VEZF1: variants seen among roughly 807,000 people sequenced by gnomAD.
The protein encoded by VEZF1 is putative transcription factor DB1.
VEZF1 carries 5 observed loss-of-function variants against 44.1 expected under a neutral mutation model. The observed-to-expected ratio is 0.11, with a 90% CI of 0.06 to 0.24. The LOEUF (loss-of-function observed/expected upper bound fraction) is 0.24. VEZF1 is among the 10% of genes least tolerant of loss of function. The pLI, the probability that VEZF1 is intolerant of heterozygous loss-of-function variation, is 1.00. For synonymous variants in VEZF1, 236 were observed against 233.1 expected (o/e 1.01, Z -0.11); for missense variants, 358 against 641.8 (o/e 0.56, Z 4.78).
At position 57,979,303 on chromosome 17, in the gene VEZF1, A is replaced by G. The variant is rs201209082; in HGVS notation, c.987T>C (p.Ser329=). 1.9e-6 allele frequency: 3 copies of G among 1,611,994 alleles called. No homozygotes were observed. The highest frequency in any genetic ancestry group is 3.3e-5 in the Admixed American group (2 of 59,702). Residue 329 remains serine, a synonymous_variant, in exon 5 of 6, where the codon AGT becomes AGC. Transcript: ENST00000581208. ...CKQGISKTCM[S]EETSNQKQQQ... ...GCTGCTTTTGGTTACTGGTCTCTTC[A>G]CTCATGCATGCTATTACAAAGACAA...
rs959133149 is a variant in VEZF1 at position 57,979,267 on chromosome 17, C to T, written c.1023G>A (p.Gln341=). The T allele has an allele frequency of 1.9e-6, 3 of 1,612,284 alleles. No homozygotes were observed. The highest frequency in any genetic ancestry group is 2.2e-5 in the East Asian group (1 of 44,874). The part of the protein sequence containing the change: ...ETSNQKQQQQ[Q]QQQQQQQQQQ... The stretch of plus-strand genomic sequence containing the variant: ...GTTGCTGCTGCTGCTGCTGCTGCTG[C>T]TGCTGCTGCTGCTGCTTTTGGTTAC... Residue 341 remains glutamine (Q), a synonymous_variant, in exon 5 of 6, where the codon CAG becomes CAA. Transcript: ENST00000581208.
Position 57,983,247 on chromosome 17 carries a change from C to A in VEZF1, c.180G>T (p.Lys60Asn). 1 of 1,614,064 alleles carries A rather than the reference C, an allele frequency of 6.2e-7. No homozygotes were observed. Among genetic ancestry groups the A allele is most frequent in the Admixed American group, 1.7e-5 (1 of 60,000 alleles). ...TTTCTTTTTTAATCCCAATGGCATC[C>A]TTTAATGTTTCTGGTGCACCCTGAG... is the stretch of plus-strand genomic sequence containing the variant. ...QKPQGAPETLKDAIGIKKEKP... is the reference protein window; with the variant it reads ...QKPQGAPETLNDAIGIKKEKP... The change falls in exon 2 of 6, where the codon AAG becomes AAT. Residue 60 changes from lysine (K) to asparagine (N), a missense_variant. Physicochemically the swap from Lys to Asn is moderately conservative, Grantham distance 94. This residue lies in a region of VEZF1 where 117 missense variants were observed against 207.2 expected (regional missense o/e 0.56). Coordinates refer to ENST00000581208, the MANE Select transcript of VEZF1 (RefSeq NM_007146.3).
rs545749160 is a variant in VEZF1 at position 57,972,375 on chromosome 17, T to C, written c.*2098A>G. The C allele has an allele frequency of 2.0e-5, 3 of 152,404 alleles. No homozygotes were observed. The South Asian group carries it at 6.2e-4, about 32-fold the overall frequency. The allele number at this position is 152,404 out of a possible 1,614,324, so 9.4% of individuals were successfully genotyped here. On this transcript the variant is annotated 3_prime_UTR_variant, in exon 6 of 6. Coordinates refer to ENST00000581208, the MANE Select transcript of VEZF1 (RefSeq NM_007146.3). ...AGCAGGCAGAGCCAGAACCCAGTTT[T>C]GGGTCTGCATGCCAGGAAATGTGAA...
At chr17:57,985,259 T>C in intron 1 of VEZF1, 1 of 1,231,650 alleles carries the variant, frequency 8.1e-7, no homozygotes, top group Non-Finnish European at 1.0e-6. Flanking sequence ...CTTACTGCCA[T>C]TTTACCAATT....
At chr17:57,976,500 T>C (rs950169318) in intron 5 of VEZF1, among the ~76,000 whole-genome samples, 38 of 152,222 alleles carry the variant, frequency 2.5e-4, no homozygotes, top group African/African-American at 8.0e-4. Context: ...GAAATGTGTA[T>C]TTTTAAAAAG....
At chr17:57,987,894 G>A (rs1251930954) in intron 1 of VEZF1, among the ~76,000 whole-genome samples, 185 bp downstream of exon 1, 1 of 151,860 alleles carries the variant, frequency 6.6e-6, no homozygotes, top group Non-Finnish European at 1.5e-5. Flanking sequence ...CACCCCGTGA[G>A]GCCGCCTCCT....
chr17:57,988,126 ACCCCCCTCCT>A lies in VEZF1; in HGVS notation c.-25_-16del. 2 of 774,932 alleles carry A rather than the reference ACCCCCCTCCT, an allele frequency of 2.6e-6. No homozygotes were observed. The highest frequency in any genetic ancestry group is 3.3e-6 in the Non-Finnish European group (2 of 615,008). 48.0% of individuals were successfully genotyped at this position (774,932 alleles called of 1,614,324 possible). Reference sequence around the variant, plus strand: ...TTGGCCTCCATGGCTGCGGCGGCCGACCCCCCTCCTCCCCACTCCCCCCGCTCGGGGAGCC... The same window carrying A: ...TTGGCCTCCATGGCTGCGGCGGCCGACCCCACTCCCCCCGCTCGGGGAGCC... On this transcript the variant is annotated 5_prime_UTR_variant, in exon 1 of 6. Transcript: ENST00000581208.
intron 5 of VEZF1, among the ~76,000 whole-genome samples, chr17:57,978,274 G>A (rs1422305473): frequency 1.3e-5 from 2 of 151,076 alleles, no homozygotes; most frequent in African/African-American, 4.9e-5. Context: ...GAAAGCAAAA[G>A]ATGGAAGAAA....
Position 57,983,332 on chromosome 17 carries a change from C to T in VEZF1, c.95G>A (p.Ser32Asn), listed in dbSNP as rs774706221. 6.2e-7 allele frequency: 1 copy of T among 1,614,078 alleles called. No homozygotes were observed. The highest frequency in any genetic ancestry group is 8.5e-7 in the Non-Finnish European group (1 of 1,180,036). ...CTGATCAGGGGGCTCCACGGCAGAGCTCAGGAGGGGCAGCAAGCTGTTCTG... is the reference window on the plus strand; with the variant it reads ...CTGATCAGGGGGCTCCACGGCAGAGTTCAGGAGGGGCAGCAAGCTGTTCTG... ...AAQNSLLPLL[S>N]SAVEPPDQKP... The change falls in exon 2 of 6, where the codon AGC becomes AAC. Residue 32 changes from serine (S) to asparagine (N), a missense_variant. Transcript: ENST00000581208.
At chr17:57,978,071 C>T (rs1415185819) in intron 5 of VEZF1, among the ~76,000 whole-genome samples, 2 of 151,826 alleles carry the variant, frequency 1.3e-5, no homozygotes, top group Non-Finnish European at 2.9e-5. Flanking sequence ...GGTGTGGTGG[C>T]ACACACCTGT....
intron 1 of VEZF1, among the ~76,000 whole-genome samples, chr17:57,983,873 G>GA (rs1385147108): frequency 2.6e-5 from 4 of 152,186 alleles, no homozygotes; most frequent in Non-Finnish European, 5.9e-5. Context: ...CTTTCTATCA[G>GA]AAAACTCAGA....
chr17:57,984,640 A>G (rs528592204), intron 1 of VEZF1, among the ~76,000 whole-genome samples: 2 of 152,314 alleles, frequency 1.3e-5, no homozygotes, highest in African/African-American at 4.8e-5. Context: ...CTCTATAACC[A>G]CAAGTCCCAC....
At chr17:57,977,926 G>C (rs1178021876) in intron 5 of VEZF1, among the ~76,000 whole-genome samples, 1 of 152,004 alleles carries the variant, frequency 6.6e-6, no homozygotes, top group African/African-American at 2.4e-5. Context: ...ACTCTGGCCA[G>C]GTGTGGTGAC....
chr17:57,982,055 A>AT, intron 2 of VEZF1, 119 bp from the exon 3 acceptor site: 1 of 994,896 alleles, frequency 1.0e-6, no homozygotes, highest in Non-Finnish European at 1.5e-6. Flanking sequence ...AGCTAGCAGA[A>AT]TTACCAACCT....
At chr17:57,981,830 T>G (rs1225489308) in intron 3 of VEZF1, 43 bp downstream of exon 3, 1 of 1,571,044 alleles carries the variant, frequency 6.4e-7, no homozygotes, top group African/African-American at 1.4e-5. Flanking sequence ...CTGGATAATG[T>G]GCATTAAGTG....
chr17:57,977,402 T>C (rs1308360155), intron 5 of VEZF1, among the ~76,000 whole-genome samples: 3 of 152,152 alleles, frequency 2.0e-5, no homozygotes, highest in Non-Finnish European at 4.4e-5. Flanking sequence ...GCTGGAATTA[T>C]AGGTGTGAGC....
intron 5 of VEZF1, among the ~76,000 whole-genome samples, chr17:57,976,933 C>A (rs2075197634): frequency 6.6e-6 from 1 of 152,040 alleles, no homozygotes; most frequent in African/African-American, 2.4e-5. Flanking sequence ...ACCCCCTTAC[C>A]TCCTCCTCCG....
intron 1 of VEZF1, among the ~76,000 whole-genome samples, chr17:57,984,309 CA>C (rs2075276630): frequency 6.6e-6 from 1 of 152,154 alleles, no homozygotes; most frequent in Non-Finnish European, 1.5e-5. Flanking sequence ...GCAATGAAAC[CA>C]AAATTTCACC....
chr17:57,985,510 G>C lies in VEZF1; in HGVS notation c.34-2117C>G, dbSNP rs1321748038. 3 of 903,196 alleles carry C rather than the reference G, an allele frequency of 3.3e-6. No homozygotes were observed. In the African/African-American group the frequency reaches 5.4e-5, roughly 16 times the overall value. 55.9% of individuals were successfully genotyped at this position (903,196 alleles called of 1,614,324 possible). A position where few individuals can be genotyped will look rare whatever the true frequency, so the allele number is the denominator to read the frequency against. On this transcript the variant is annotated intron_variant, in intron 1 of 5. Transcript: ENST00000581208. Reference sequence around the variant, plus strand: ...AAATAACAACCACGGCCAGCCTTCAGTTAAGTGATTTATTTTAAAAATATA... The same window carrying C: ...AAATAACAACCACGGCCAGCCTTCACTTAAGTGATTTATTTTAAAAATATA...
Sources: gnomAD v4.1 joint callset for allele counts (sites outside exome capture counted in the v4.1 genomes callset) on GRCh38, gnomAD v4.1.1 for gene constraint, gnomAD v4.1.1 regional missense constraint, MANE v1.5 for transcripts, NCBI Gene and HGNC (gene_info 2026-07-23, HGNC 2026-07-21) for gene names.